NIBAN1: variants seen among roughly 807,000 people sequenced by gnomAD.
NIBAN1 encodes niban apoptosis regulator 1, also known as protein Niban 1.
A neutral mutation model predicts 75.1 loss-of-function variants in NIBAN1; 81 were observed. That is an observed-to-expected ratio of 1.08 (90% CI 0.90 to 1.30). NIBAN1 has a LOEUF of 1.30. Among genes scored for constraint, NIBAN1 ranks in the 50% most tolerant of loss-of-function variants. The pLI, the probability that NIBAN1 is intolerant of heterozygous loss-of-function variation, is 0.00. For missense variants in NIBAN1, 1,133 were observed against 1,128.1 expected (o/e 1.00, Z -0.06); for synonymous variants, 436 against 424.8 (o/e 1.03, Z -0.32).
rs183345989 is a variant in NIBAN1, at chr1:184,955,739, G to A, written c.55+18563C>T. ...TTCATTGAAATGTTAGGTTCAACAT[G>A]TTGAGGGTGATATAAAGGAAAAAGT... is the stretch of plus-strand genomic sequence containing the variant. On this transcript the variant is annotated intron_variant, in intron 1 of 13. Coordinates refer to ENST00000367511, the MANE Select transcript of NIBAN1 (RefSeq NM_052966.4). 6.6e-5 allele frequency among the ~76,000 whole-genome samples: 10 copies of A among 152,314 alleles called. No individual in the cohort carries two copies. In the East Asian group the frequency reaches 1.9e-3, roughly 29 times the overall value.
chr1:184,882,007 G>A (rs558835703), intron 5 of NIBAN1, among the ~76,000 whole-genome samples: 7 of 152,258 alleles, frequency 4.6e-5, no homozygotes, highest in African/African-American at 1.7e-4. Flanking sequence ...GAGTTGCTCT[G>A]GTTCACACGC....
In NIBAN1 at chr1:184,799,179, C is replaced by T. The variant is rs555122903; in HGVS notation, c.1555-989G>A. On this transcript the variant is annotated intron_variant, in intron 12 of 13. Transcript: ENST00000367511. ...CTAGCATTAGGTATATCTCCCAGTG[C>T]TATCCCTCCCCTCTCCCCCCACCCC... Among the ~76,000 whole-genome samples, 305 of 152,102 alleles carry T rather than the reference C, an allele frequency of 2.0e-3. 3 individuals carry two copies. Among genetic ancestry groups the T allele is most frequent in the African/African-American group, 7.0e-3 (290 of 41,496 alleles).
intron 4 of NIBAN1, among the ~76,000 whole-genome samples, chr1:184,886,977 CG>C (rs1376663675): frequency 1.3e-5 from 2 of 151,950 alleles, no homozygotes; most frequent in Non-Finnish European, 2.9e-5. Context: ...AAAAATTAGC[CG>C]GGAGTGGTGG....
rs574983140 is a variant in NIBAN1, at chr1:184,958,878, T to C, written c.55+15424A>G. The stretch of plus-strand genomic sequence containing the variant: ...TACTCCAGATATTACACATTTGCCA[T>C]TGTTGCTCATAAAATTTGGCTTTAT... On this transcript the variant is annotated intron_variant, in intron 1 of 13. Coordinates refer to ENST00000367511, the MANE Select transcript of NIBAN1 (RefSeq NM_052966.4). 5.3e-5 allele frequency among the ~76,000 whole-genome samples: 8 copies of C among 152,362 alleles called. No individual in the cohort carries two copies. In the East Asian group the frequency reaches 1.5e-3, roughly 29 times the overall value.
intron 5 of NIBAN1, among the ~76,000 whole-genome samples, chr1:184,832,236 T>C (rs1224201259): frequency 6.6e-6 from 1 of 152,194 alleles, no homozygotes; most frequent in Non-Finnish European, 1.5e-5. Context: ...CCCTCTCTTA[T>C]ACATGCTCCC....
chr1:184,792,077 C>T lies in NIBAN1; in HGVS notation c.*2900G>A, dbSNP rs1232114613. ...GCTCAAACAATCCTCCTGCCTCAAC[C>T]ACCCAAGTAGCTAGGACTGCAGGCA... On this transcript the variant is annotated 3_prime_UTR_variant, in exon 14 of 14. Coordinates refer to ENST00000367511, the MANE Select transcript of NIBAN1 (RefSeq NM_052966.4). 6.6e-6 allele frequency: 1 copy of T among 152,058 alleles called. No homozygotes were observed. Among genetic ancestry groups the T allele is most frequent in the Non-Finnish European group, 1.5e-5 (1 of 68,046 alleles). The allele number at this position is 152,058 out of a possible 1,614,324, so 9.4% of individuals were successfully genotyped here. A position where few individuals can be genotyped will look rare whatever the true frequency, so the allele number is the denominator to read the frequency against.
At chr1:184,812,341 G>A (rs976934938) in intron 9 of NIBAN1, among the ~76,000 whole-genome samples, 6 of 152,082 alleles carry the variant, frequency 3.9e-5, no homozygotes, top group African/African-American at 9.7e-5. Flanking sequence ...TACATATTTT[G>A]CTCTAGCCAG....
Position 184,794,991 on chromosome 1 carries a change from G to T in NIBAN1, c.2773C>A (p.Pro925Thr). ...EGGQESFPEL[P>T]SEE Reference sequence around the variant, plus strand: ...AATTGTCCCTTTCACTCCTCTGAGGGCAGCTCTGGGAAACTCTCCTGACCA... The same window carrying T: ...AATTGTCCCTTTCACTCCTCTGAGGTCAGCTCTGGGAAACTCTCCTGACCA... The change falls in exon 14 of 14, where the codon CCC (proline) becomes ACC (threonine). Residue 925 changes from proline to threonine, a missense_variant. Transcript: ENST00000367511. 6.2e-7 allele frequency: 1 copy of T among 1,610,516 alleles called. No individual in the cohort carries two copies. The highest frequency in any genetic ancestry group is 1.1e-5 in the South Asian group (1 of 91,082).
chr1:184,796,178 C>T, intron 13 of NIBAN1, 81 bp from the exon 14 acceptor site: 1 of 1,415,490 alleles, frequency 7.1e-7, no homozygotes, highest in Non-Finnish European at 9.3e-7. Flanking sequence ...TCTGGCTATC[C>T]AAATTTCTCC....
chr1:184,869,493 C>T (rs530374934), intron 5 of NIBAN1, among the ~76,000 whole-genome samples: 1 of 151,982 alleles, frequency 6.6e-6, no homozygotes, highest in African/African-American at 2.4e-5. Flanking sequence ...TTAATTTTAT[C>T]TTACAATTGC....
At chr1:184,870,830 A>G (rs1656087938) in intron 5 of NIBAN1, among the ~76,000 whole-genome samples, 1 of 152,236 alleles carries the variant, frequency 6.6e-6, no homozygotes, top group Admixed American at 6.5e-5. Context: ...TTGCACTTCC[A>G]AAAGTTCTTT....
chr1:184,806,319 C>G (rs1654197821), intron 10 of NIBAN1, among the ~76,000 whole-genome samples: 1 of 152,356 alleles, frequency 6.6e-6, no homozygotes, highest in Admixed American at 6.5e-5. Context: ...CCCGTGGGCA[C>G]TCCTATTCTT....
In NIBAN1 at chr1:184,795,687, C is replaced by A. The variant is rs770359056; in HGVS notation, c.2077G>T (p.Glu693Ter). Reference sequence around the variant, plus strand: ...TCTGGCTCTTCCTGGGCGGGTTCTTCATCCTCAAGGGTCCCTCCAAACTCC... The same window carrying A: ...TCTGGCTCTTCCTGGGCGGGTTCTTAATCCTCAAGGGTCCCTCCAAACTCC... ...ELEFGGTLED[E>*]EPAQEEPEPI... The change falls in exon 14 of 14, where the codon GAA (glutamate) becomes TAA (stop). Residue 693 changes from glutamate to a stop codon, truncating the protein, a stop_gained. Transcript: ENST00000367511. LOFTEE classifies it low-confidence loss of function (END_TRUNC). 6.2e-7 allele frequency: 1 copy of A among 1,614,100 alleles called. No homozygotes were observed. Among genetic ancestry groups the A allele is most frequent in the Non-Finnish European group, 8.5e-7 (1 of 1,179,992 alleles).
chr1:184,861,784 AAAG>A (rs1329376637), intron 5 of NIBAN1, among the ~76,000 whole-genome samples: 6 of 151,408 alleles, frequency 4.0e-5, no homozygotes, highest in South Asian at 2.1e-4. Flanking sequence ...GGAAAGAAGG[AAAG>A]AAGAAGGGAG....
intron 1 of NIBAN1, among the ~76,000 whole-genome samples, chr1:184,934,033 T>C (rs1279458907): frequency 6.6e-6 from 1 of 152,122 alleles, no homozygotes; most frequent in Non-Finnish European, 1.5e-5. Flanking sequence ...TGGGAAATCA[T>C]GGGTTCAAGA....
chr1:184,902,192 C>T (rs1656973278), intron 1 of NIBAN1, among the ~76,000 whole-genome samples: 1 of 151,908 alleles, frequency 6.6e-6, no homozygotes, highest in Non-Finnish European at 1.5e-5. Context: ...ATGATTGCAC[C>T]ACTGTACTCC....
intron 3 of NIBAN1, among the ~76,000 whole-genome samples, chr1:184,892,864 C>T (rs564141307): frequency 6.6e-5 from 10 of 152,188 alleles, no homozygotes; most frequent in African/African-American, 9.6e-5. Flanking sequence ...CTCAACCTCC[C>T]GAGTTCAAGT....
intron 5 of NIBAN1, among the ~76,000 whole-genome samples, chr1:184,879,822 TC>T: frequency 6.6e-6 from 1 of 152,312 alleles, no homozygotes; most frequent in African/African-American, 2.4e-5. Context: ...AGCTCCACAT[TC>T]CACCTGACTC....
rs2102258142 is a variant in NIBAN1 at position 184,845,676 on chromosome 1, AGAAGACG to A, written c.602-13721_602-13715del. ...CTACAGATCCCAGCGTAAGCGACGCAGAAGACGGGTGATTTCTGCATTTCCATCTGAG... is the reference window on the plus strand; with the variant it reads ...CTACAGATCCCAGCGTAAGCGACGCAGGTGATTTCTGCATTTCCATCTGAG... On this transcript the variant is annotated intron_variant, in intron 5 of 13. Coordinates refer to ENST00000367511, the MANE Select transcript of NIBAN1 (RefSeq NM_052966.4). Among the ~76,000 whole-genome samples, 2 of 32,146 alleles carry A rather than the reference AGAAGACG, an allele frequency of 6.2e-5. 1 individual carries two copies. Among genetic ancestry groups the A allele is most frequent in the South Asian group, 1.2e-3 (2 of 1,630 alleles). The allele number at this position is 32,146 out of a possible 152,430, so 21.1% of individuals were successfully genotyped here.
Sources: allele counts gnomAD v4.1 joint callset (sites outside exome capture counted in the v4.1 genomes callset), GRCh38; gene constraint gnomAD v4.1.1; transcripts MANE v1.5; gene names NCBI Gene and HGNC (gene_info 2026-07-23, HGNC 2026-07-21).